NUP210: variants seen among roughly 807,000 people sequenced by gnomAD.
NUP210 encodes nucleoporin 210, also known as nuclear pore membrane glycoprotein 210.
NUP210 carries 151 observed loss-of-function variants against 196.0 expected under a neutral mutation model. The observed-to-expected ratio is 0.77, with a 90% CI of 0.67 to 0.88. NUP210 has a LOEUF of 0.88. Among genes scored for constraint, NUP210 ranks in the 40% least tolerant of loss-of-function variants. The pLI, the probability that NUP210 is intolerant of heterozygous loss-of-function variation, is 0.00. For synonymous variants in NUP210, 1,070 were observed against 1,052.7 expected (o/e 1.02, Z -0.32); for missense variants, 2,314 against 2,493.7 (o/e 0.93, Z 1.53).
intron 6 of NUP210, among the ~76,000 whole-genome samples, chr3:13,380,192 C>T (rs1021552893): frequency 3.9e-5 from 6 of 152,146 alleles, no homozygotes; most frequent in Non-Finnish European, 8.8e-5. Context: ...TCAGTGTTCC[C>T]CTGCCCTTCA....
intron 1 of NUP210, among the ~76,000 whole-genome samples, chr3:13,409,653 T>G (rs1232687563): frequency 1.3e-5 from 2 of 152,116 alleles, no homozygotes; most frequent in African/African-American, 2.4e-5. Flanking sequence ...GACATGGGCC[T>G]TAGTGTAGTC....
chr3:13,400,919 G>A (rs941541174), intron 1 of NUP210, among the ~76,000 whole-genome samples: 2 of 138,906 alleles, frequency 1.4e-5, no homozygotes. Flanking sequence ...CCACAGCCAC[G>A]AGTATTCTGA....
chr3:13,380,854 T>C (rs1699076655), intron 6 of NUP210, among the ~76,000 whole-genome samples: 1 of 152,230 alleles, frequency 6.6e-6, no homozygotes, highest in Non-Finnish European at 1.5e-5. Flanking sequence ...TTGTCCTGGG[T>C]TATTTTTCAT....
chr3:13,326,300 C>G (rs1272804555), intron 32 of NUP210, among the ~76,000 whole-genome samples: 1 of 152,058 alleles, frequency 6.6e-6, no homozygotes, highest in East Asian at 1.9e-4. Context: ...CCCTCTGTAG[C>G]TCCTTCCCCA....
intron 13 of NUP210, among the ~76,000 whole-genome samples, chr3:13,370,110 G>A (rs1698678584): frequency 6.6e-6 from 1 of 152,182 alleles, no homozygotes; most frequent in Non-Finnish European, 1.5e-5. Flanking sequence ...TGAGCCCCAT[G>A]GGTTTCTGTG....
chr3:13,319,726 C>A, intron 37 of NUP210, 37 bp downstream of exon 37: 1 of 1,585,902 alleles, frequency 6.3e-7, no homozygotes, highest in East Asian at 2.2e-5. Context: ...CCCTCCCCAT[C>A]CTGGTCTGTC....
In NUP210 at chr3:13,323,189, C is replaced by G; in HGVS notation, c.4768+120G>C. ...AGTGGATGAGTGGGGGCTAAATGCC[C>G]TCTCTGGAGTTGGTGTGAGTGTGAA... On this transcript the variant is annotated intron_variant, in intron 34 of 39. Coordinates refer to ENST00000254508, the MANE Select transcript of NUP210 (RefSeq NM_024923.4). The surrounding 1 kb of genome is among the most constrained non-coding windows in gnomAD (Gnocchi z 4.3). 7.8e-7 allele frequency: 1 copy of G among 1,277,046 alleles called. No individual in the cohort carries two copies. The highest frequency in any genetic ancestry group is 1.1e-6 in the Non-Finnish European group (1 of 918,822). 79.1% of individuals were successfully genotyped at this position (1,277,046 alleles called of 1,614,324 possible). A position where few individuals can be genotyped will look rare whatever the true frequency, so the allele number is the denominator to read the frequency against.
chr3:13,399,680 G>C, intron 2 of NUP210, 45 bp downstream of exon 2: 1 of 1,612,510 alleles, frequency 6.2e-7, no homozygotes, highest in Non-Finnish European at 8.5e-7. Flanking sequence ...GCGTTTCCCT[G>C]TCTCTGGCTC....
intron 1 of NUP210, among the ~76,000 whole-genome samples, chr3:13,411,457 T>A (rs1700172268): frequency 6.6e-6 from 1 of 152,180 alleles, no homozygotes; most frequent in Non-Finnish European, 1.5e-5. Context: ...AGGAGTTTTG[T>A]TTATTGTTCA....
intron 1 of NUP210, among the ~76,000 whole-genome samples, chr3:13,412,231 C>CTTTTTTTTTTTTTTTTTTTTTT (rs71066953): frequency 4.8e-5 from 5 of 104,788 alleles, no homozygotes; most frequent in African/African-American, 2.6e-4. Context: ...TTTTCCTTTT[C>CTTTTTTTTTTTTTTTTTTTTTT]TTTTTTTTTT....
chr3:13,358,367 G>A lies in NUP210; in HGVS notation c.2183C>T (p.Pro728Leu). Residue 728 changes from proline (P) to leucine (L), a missense_variant, in exon 16 of 40, where the codon CCC (proline) becomes CTC (leucine). Coordinates refer to ENST00000254508, the MANE Select transcript of NUP210 (RefSeq NM_024923.4). ...CGCAGGAAAGGGGTTGGTGAGGCTG[G>A]GCTTGTTCCCCACCGACAGGGCGAT... Reference protein sequence around the residue: ...QVIALSVGNKPSLTNPFPAVE... With the variant: ...QVIALSVGNKLSLTNPFPAVE... The A allele has an allele frequency of 6.2e-7, 1 of 1,613,170 alleles. No individual in the cohort carries two copies. Among genetic ancestry groups the A allele is most frequent in the Non-Finnish European group, 8.5e-7 (1 of 1,179,438 alleles).
At chr3:13,320,584 G>C (rs146718838) in intron 36 of NUP210, among the ~76,000 whole-genome samples, 3,249 of 138,806 alleles carry the variant, frequency 0.023, 112 homozygotes, top group African/African-American at 0.081. Flanking sequence ...AGTGAGCCAA[G>C]ATAGTGCCAC....
chr3:13,378,297 C>T (rs1342163709), intron 8 of NUP210, among the ~76,000 whole-genome samples: 3 of 152,258 alleles, frequency 2.0e-5, no homozygotes, highest in Admixed American at 2.0e-4. Flanking sequence ...AAGCCTGTCA[C>T]TGAGCACTCT....
rs1215560145 is a variant in NUP210, at chr3:13,379,747, C to A, written c.818-26G>T. 6.5e-7 allele frequency: 1 copy of A among 1,546,862 alleles called. No homozygotes were observed. The highest frequency in any genetic ancestry group is 1.2e-5 in the South Asian group (1 of 82,408). On this transcript the variant is annotated intron_variant, in intron 6 of 39. Coordinates refer to ENST00000254508, the MANE Select transcript of NUP210 (RefSeq NM_024923.4). This position sits in a 1 kb window ranked among gnomAD's most constrained non-coding sequence, Gnocchi z 4.2. ...CTGGCCACCAAGAAACAAAAAATAA[C>A]AGGGAAAGAGAGAGCAAAGACAGGA... is the stretch of plus-strand genomic sequence containing the variant.
intron 6 of NUP210, among the ~76,000 whole-genome samples, chr3:13,380,771 C>T (rs4684934): frequency 0.58 from 88,626 of 152,102 alleles, 27,066 homozygotes; most frequent in African/African-American, 0.77. Flanking sequence ...CAGAGGAATT[C>T]CAGCTAAAGC....
At chr3:13,358,591 A>G (rs572762290) in intron 15 of NUP210, among the ~76,000 whole-genome samples, 196 bp from the exon 16 acceptor site, 1 of 152,232 alleles carries the variant, frequency 6.6e-6, no homozygotes, top group Admixed American at 6.5e-5. Context: ...TCAACACCTA[A>G]GAGACTCTCA....
chr3:13,342,036 C>A lies in NUP210; in HGVS notation c.3052G>T (p.Asp1018Tyr). 1 of 1,614,134 alleles carries A rather than the reference C, an allele frequency of 6.2e-7. No individual in the cohort carries two copies. Among genetic ancestry groups the A allele is most frequent in the South Asian group, 1.1e-5 (1 of 91,080 alleles). The part of the protein sequence containing the change: ...PFLAKYFPFM[D>Y]LKLRAASPII... ...GGGGAGGCTGCTCGGAGCTTCAGGT[C>A]CATAAAGGGGAAGTATTTGGCAAGG... Residue 1018 changes from aspartate (D) to tyrosine (Y), a missense_variant, in exon 22 of 40, where the codon GAC becomes TAC. Physicochemically the swap from Asp to Tyr is radical, Grantham distance 160. Coordinates refer to ENST00000254508, the MANE Select transcript of NUP210 (RefSeq NM_024923.4).
chr3:13,369,797 G>A (rs1467797041), intron 13 of NUP210, among the ~76,000 whole-genome samples: 2 of 152,240 alleles, frequency 1.3e-5, no homozygotes. Flanking sequence ...TGTTGAGAGA[G>A]TTACAGTAGT....
intron 6 of NUP210, among the ~76,000 whole-genome samples, chr3:13,382,140 A>G (rs75424899): frequency 3.2e-4 from 49 of 152,306 alleles, no homozygotes; most frequent in African/African-American, 1.2e-3. Context: ...CCAGCATTCT[A>G]TCCACTCAAG....
Sources: gnomAD v4.1 joint callset for allele counts (sites outside exome capture counted in the v4.1 genomes callset) on GRCh38, gnomAD v4.1.1 for gene constraint, Gnocchi (gnomAD v3.1) non-coding constraint, MANE v1.5 for transcripts, NCBI Gene and HGNC (gene_info 2026-07-23, HGNC 2026-07-21) for gene names.